DCT: variants seen among roughly 807,000 people sequenced by gnomAD.
The protein encoded by DCT is dopachrome tautomerase, also known as L-dopachrome tautomerase.
DCT carries 47 observed loss-of-function variants against 53.0 expected under a neutral mutation model. That is an observed-to-expected ratio of 0.89 (90% confidence interval 0.70 to 1.13). The LOEUF (loss-of-function observed/expected upper bound fraction) is 1.13, where lower values mean the gene tolerates loss of function less well. DCT is among the 50% of genes most tolerant of loss of function. The probability of loss-of-function intolerance (pLI) is 0.00; values close to 1 mark genes in which losing one functional copy is unlikely to be tolerated. For missense variants in DCT, 669 were observed against 637.4 expected (o/e 1.05, Z -0.53); for synonymous variants, 244 against 237.0 (o/e 1.03, Z -0.27).
Position 94,479,505 on chromosome 13 carries a change from G to C in DCT, c.-250C>G. The C allele has an allele frequency of 2.4e-6, 1 of 420,448 alleles. No individual in the cohort carries two copies. The highest frequency in any genetic ancestry group is 4.2e-6 in the Non-Finnish European group (1 of 236,802). 26.0% of individuals were successfully genotyped at this position (420,448 alleles called of 1,614,324 possible). ...TAACAGACTTAATTTCCTTAGAAGCGCCTCTAACAACCAAATTTAATGAGG... is the reference window on the plus strand; with the variant it reads ...TAACAGACTTAATTTCCTTAGAAGCCCCTCTAACAACCAAATTTAATGAGG... On this transcript the variant is annotated 5_prime_UTR_variant, in exon 1 of 8. Transcript: ENST00000377028.
chr13:94,474,114 C>T (rs1391954721), intron 1 of DCT, among the ~76,000 whole-genome samples: 5 of 152,148 alleles, frequency 3.3e-5, no homozygotes, highest in African/African-American at 1.2e-4. Context: ...TAGAAAGAAC[C>T]GTGTTATCTT....
the DCT span, among the ~76,000 whole-genome samples, chr13:94,493,671 C>T: frequency 2.0e-5 from 3 of 152,142 alleles, no homozygotes; most frequent in Admixed American, 6.5e-5. Flanking sequence ...ATTCCAACTA[C>T]ACAATATCCT....
chr13:94,511,607 G>A, the DCT span, among the ~76,000 whole-genome samples: 1 of 152,002 alleles, frequency 6.6e-6, no homozygotes, highest in East Asian at 1.9e-4. Flanking sequence ...TGATCCACTT[G>A]CCTTGCCCTC....
At chr13:94,477,772 T>C (rs996970659) in intron 1 of DCT, among the ~76,000 whole-genome samples, 7 of 152,332 alleles carry the variant, frequency 4.6e-5, no homozygotes, top group South Asian at 2.1e-4. Context: ...TCCTCCTATG[T>C]TCCAGCATCC....
chr13:94,510,158 A>C, the DCT span, among the ~76,000 whole-genome samples: 1 of 152,136 alleles, frequency 6.6e-6, no homozygotes, highest in South Asian at 2.1e-4. Flanking sequence ...CTAACTATCA[A>C]GGGCATTCTC....
At chr13:94,443,384 TAGC>T (rs1882480865) in intron 7 of DCT, 49 bp downstream of exon 7, 1 of 1,380,262 alleles carries the variant, frequency 7.2e-7, no homozygotes, top group Non-Finnish European at 1.0e-6. Context: ...GCAAGAAAGC[TAGC>T]TTCTTTAGAA....
At chr13:94,445,867 A>T in intron 6 of DCT, 2 of 712,910 alleles carry the variant, frequency 2.8e-6, no homozygotes, top group Non-Finnish European at 4.8e-6. Context: ...CCATTCCTGG[A>T]GGCAGGGGAG....
intron 6 of DCT, among the ~76,000 whole-genome samples, chr13:94,449,127 G>GA (rs200044137): frequency 4.7e-4 from 70 of 149,438 alleles, no homozygotes; most frequent in South Asian, 2.3e-3. Flanking sequence ...GGCCATAATG[G>GA]AAAAAAAAAT....
the DCT span, among the ~76,000 whole-genome samples, chr13:94,502,357 C>T: frequency 6.6e-6 from 1 of 152,156 alleles, no homozygotes; most frequent in Non-Finnish European, 1.5e-5. Context: ...GTTGCCTCTG[C>T]CATTTCCAGT....
chr13:94,443,613 T>C lies in DCT; in HGVS notation c.1204A>G (p.Ile402Val), dbSNP rs752813247. The C allele has an allele frequency of 1.4e-5, 22 of 1,613,872 alleles. No homozygotes were observed. Among genetic ancestry groups the C allele is most frequent in the South Asian group, 1.1e-4 (10 of 91,082 alleles). Residue 402 changes from isoleucine (I) to valine (V), a missense_variant, in exon 7 of 8, where the codon ATC becomes GTC. By Grantham distance (29) the Ile-to-Val change is conservative (BLOSUM62 3). Transcript: ENST00000377028. ...FVVLHSFTDA[I>V]FDEWMKRFNP... ...AATCTTTTCATCCACTCATCAAAGA[T>C]GGCATCAGTAAAGGAATGAAGAACC...
chr13:94,493,056 T>C, the DCT span, among the ~76,000 whole-genome samples: 1 of 152,188 alleles, frequency 6.6e-6, no homozygotes, highest in African/African-American at 2.4e-5. Flanking sequence ...TTGTATCCAA[T>C]GGTGAAAAAT....
upstream of DCT, among the ~76,000 whole-genome samples, chr13:94,483,557 C>A (rs1277682766): frequency 6.6e-6 from 1 of 151,732 alleles, no homozygotes; most frequent in Non-Finnish European, 1.5e-5. Context: ...GGCTGGAGTG[C>A]AGTGGTGCAA....
chr13:94,445,639 A>G, intron 6 of DCT: 1 of 909,320 alleles, frequency 1.1e-6, no homozygotes. Flanking sequence ...GTGTTTGGGT[A>G]ATCGTAATCT....
At chr13:94,547,984 A>AATATAT in the DCT span, among the ~76,000 whole-genome samples, 82 of 65,802 alleles carry the variant, frequency 1.2e-3, 1 homozygote, top group African/African-American at 4.6e-3. Flanking sequence ...AAAAAAAAAA[A>AATATAT]ATATATATAT....
the DCT span, among the ~76,000 whole-genome samples, chr13:94,543,793 G>A: frequency 1.3e-5 from 2 of 152,288 alleles, no homozygotes; most frequent in South Asian, 4.1e-4. Flanking sequence ...CCAGCACTTT[G>A]AGAGGCCAAG....
At chr13:94,448,243 T>TCAACAA (rs527876661) in intron 6 of DCT, among the ~76,000 whole-genome samples, 226 of 151,754 alleles carry the variant, frequency 1.5e-3, no homozygotes, top group African/African-American at 4.7e-3. Flanking sequence ...AGATACTGTC[T>TCAACAA]CAACAACAAC....
chr13:94,459,052 G>T (rs1883602265), intron 6 of DCT, among the ~76,000 whole-genome samples: 1 of 151,422 alleles, frequency 6.6e-6, no homozygotes, highest in Non-Finnish European at 1.5e-5. Context: ...AATTTGTAAA[G>T]GTTTTTGGTA....
At chr13:94,506,528 T>G in the DCT span, among the ~76,000 whole-genome samples, 2 of 152,168 alleles carry the variant, frequency 1.3e-5, no homozygotes, top group Non-Finnish European at 2.9e-5. Flanking sequence ...GAGTTCATAC[T>G]TATATAAATA....
At chr13:94,523,615 T>C in the DCT span, among the ~76,000 whole-genome samples, 1 of 152,228 alleles carries the variant, frequency 6.6e-6, no homozygotes, top group South Asian at 2.1e-4. Flanking sequence ...ACCTGCTCAC[T>C]GTGGAACAGT....
Sources: allele counts gnomAD v4.1 joint callset (sites outside exome capture counted in the v4.1 genomes callset), GRCh38; gene constraint gnomAD v4.1.1; transcripts MANE v1.5; gene names NCBI Gene and HGNC (gene_info 2026-07-23, HGNC 2026-07-21).